Variants in HDX observed in about 807,000 individuals in gnomAD.
The protein encoded by HDX is highly divergent homeobox.
HDX carries 19 observed loss-of-function variants against 45.2 expected under a neutral mutation model. That is an observed-to-expected ratio of 0.42 (90% CI 0.29 to 0.62). The LOEUF is 0.62. Ranked by LOEUF, HDX falls within the 20% of genes least tolerant of loss-of-function variation. The pLI is 0.20. For synonymous variants in HDX, 188 were observed against 172.8 expected (o/e 1.09, Z -0.69); for missense variants, 532 against 493.9 (o/e 1.08, Z -0.73).
chrX:84,463,652 A>G (rs976201463), intron 4 of HDX, among the ~76,000 whole-genome samples: 1 of 110,910 alleles, frequency 9.0e-6, no homozygotes, highest in Non-Finnish European at 1.9e-5. Flanking sequence ...CAATATCTTC[A>G]CAAAGATGAT....
intron 9 of HDX, among the ~76,000 whole-genome samples, chrX:84,328,432 T>A (rs1000493550): frequency 1.1e-4 from 12 of 110,725 alleles, no homozygotes; most frequent in Non-Finnish European, 2.3e-4. Flanking sequence ...GTAAAGAAAA[T>A]AAAAATAAAA....
At chrX:84,466,647 A>G (rs1032366463) in intron 4 of HDX, among the ~76,000 whole-genome samples, 1 of 112,501 alleles carries the variant, frequency 8.9e-6, no homozygotes, top group East Asian at 2.8e-4. Context: ...GTAAAATCAC[A>G]GGTTAAATTA....
At chrX:84,393,868 CT>C (rs1279989433) in intron 5 of HDX, among the ~76,000 whole-genome samples, 1 of 110,530 alleles carries the variant, frequency 9.0e-6, no homozygotes, top group Non-Finnish European at 1.9e-5. Flanking sequence ...TGATATCTCA[CT>C]TTTTATCTCT....
chrX:84,364,966 A>G (rs1326874083), intron 5 of HDX, among the ~76,000 whole-genome samples: 1 of 111,116 alleles, frequency 9.0e-6, no homozygotes, highest in Non-Finnish European at 1.9e-5. Context: ...ATAAAATTCC[A>G]TTGTACATAT....
At chrX:84,472,675 G>C (rs562241870) in intron 3 of HDX, among the ~76,000 whole-genome samples, 8 of 111,290 alleles carry the variant, frequency 7.2e-5, no homozygotes, top group African/African-American at 2.3e-4. Context: ...ACCAAGTTGT[G>C]AGTATTATTA....
At chrX:84,384,545 GTTT>G (rs60863385) in intron 5 of HDX, among the ~76,000 whole-genome samples, 1 of 93,332 alleles carries the variant, frequency 1.1e-5, no homozygotes, top group East Asian at 3.4e-4. Context: ...CACTTGTCAA[GTTT>G]TTTTTTTTTT....
chrX:84,401,457 AG>A (rs2147957095), intron 5 of HDX, among the ~76,000 whole-genome samples: 1 of 112,536 alleles, frequency 8.9e-6, no homozygotes, highest in African/African-American at 3.2e-5. Context: ...CATGAAAAAA[AG>A]CTCAGCATCA....
chrX:84,358,528 T>C (rs775414608), intron 6 of HDX, among the ~76,000 whole-genome samples: 1 of 111,605 alleles, frequency 9.0e-6, no homozygotes, highest in African/African-American at 3.3e-5. Context: ...ATAGAAATAA[T>C]GTCTAATGCA....
chrX:84,446,572 A>G (rs192311628), intron 4 of HDX, among the ~76,000 whole-genome samples: 1 of 111,335 alleles, frequency 9.0e-6, no homozygotes, highest in African/African-American at 3.3e-5. Flanking sequence ...TTAACACTGT[A>G]TGGACTGATA....
chrX:84,341,000 C>A (rs773162219), intron 7 of HDX, among the ~76,000 whole-genome samples: 7 of 111,534 alleles, frequency 6.3e-5, no homozygotes, highest in Non-Finnish European at 1.1e-4. Flanking sequence ...TTAAAATTAA[C>A]TTTCACTTTT....
chrX:84,349,291 T>G (rs767738780), intron 6 of HDX, among the ~76,000 whole-genome samples: 5 of 110,205 alleles, frequency 4.5e-5, no homozygotes, highest in African/African-American at 1.6e-4. Flanking sequence ...GTTCAACGTT[T>G]TATTTGTTAA....
chrX:84,447,019 C>G lies in HDX; in HGVS notation c.1252-6434G>C, dbSNP rs757295692. Among the ~76,000 whole-genome samples the G allele has an allele frequency of 1.4e-4, 16 of 111,793 alleles. 1 individual carries two copies. The South Asian group carries it at 6.0e-3, about 42-fold the overall frequency. ...ATAGTGGCACATCTCAGATCTCAGG[C>G]TAGTGGAATTGGTGAGAAGCAGTGA... On this transcript the variant is annotated intron_variant, in intron 4 of 10. Transcript: ENST00000373177.
At chrX:84,414,164 T>C (rs1046117768) in intron 5 of HDX, among the ~76,000 whole-genome samples, 31 of 111,991 alleles carry the variant, frequency 2.8e-4, no homozygotes, top group Non-Finnish European at 1.3e-4. Context: ...AGAACCAAGA[T>C]AGTGATTTAC....
chrX:84,346,274 C>T (rs1477642424), intron 6 of HDX, among the ~76,000 whole-genome samples: 2 of 110,593 alleles, frequency 1.8e-5, no homozygotes, highest in Non-Finnish European at 3.8e-5. Context: ...ATTTCTTGAA[C>T]CCAGGAGTTC....
intron 4 of HDX, among the ~76,000 whole-genome samples, chrX:84,445,260 T>C (rs2039847290): frequency 8.9e-6 from 1 of 111,832 alleles, no homozygotes; most frequent in Non-Finnish European, 1.9e-5. Context: ...TGTTAAATGG[T>C]ATTTGATTAA....
chrX:84,335,118 G>A (rs1420517759), intron 8 of HDX, among the ~76,000 whole-genome samples: 2 of 111,051 alleles, frequency 1.8e-5, no homozygotes, highest in East Asian at 2.8e-4. Flanking sequence ...CTGCTGCCTG[G>A]AGATGAATCC....
At chrX:84,402,123 A>G (rs2038721179) in intron 5 of HDX, among the ~76,000 whole-genome samples, 1 of 111,520 alleles carries the variant, frequency 9.0e-6, no homozygotes, top group Non-Finnish European at 1.9e-5. Flanking sequence ...TGATGGGTTG[A>G]TAGGTGCAAC....
At chrX:84,485,429 A>G (rs984785761) in intron 2 of HDX, among the ~76,000 whole-genome samples, 5 of 112,203 alleles carry the variant, frequency 4.5e-5, no homozygotes, top group African/African-American at 1.6e-4. Context: ...TTTGTAACAT[A>G]GTCTCACTCC....
chrX:84,399,256 C>T (rs1234320011), intron 5 of HDX, among the ~76,000 whole-genome samples: 1 of 108,311 alleles, frequency 9.2e-6, no homozygotes, highest in Non-Finnish European at 1.9e-5. Context: ...AAACCCCCCC[C>T]CAAAAAAACA....
Sources: gnomAD v4.1 joint callset for allele counts (sites outside exome capture counted in the v4.1 genomes callset) on GRCh38, gnomAD v4.1.1 for gene constraint, MANE v1.5 for transcripts, NCBI Gene and HGNC (gene_info 2026-07-23, HGNC 2026-07-21) for gene names.